MALRD1: variants seen among roughly 807,000 people sequenced by gnomAD.
MALRD1 encodes the protein MAM and LDL-receptor class A domain-containing protein 1.
A neutral mutation model predicts 242.1 loss-of-function variants in MALRD1; 247 were observed. That is an observed-to-expected ratio of 1.02 (90% CI 0.92 to 1.13). The LOEUF is 1.13. MALRD1 is among the 50% of genes most tolerant of loss of function. The pLI is 0.00. For synonymous variants in MALRD1, 995 were observed against 866.6 expected (o/e 1.15, Z -2.60); for missense variants, 2,989 against 2,533.1 (o/e 1.18, Z -3.86).
intron 19 of MALRD1, among the ~76,000 whole-genome samples, chr10:19,259,874 G>T (rs1839671014): frequency 6.6e-6 from 1 of 151,892 alleles, no homozygotes; most frequent in Admixed American, 6.6e-5. Flanking sequence ...TCTATTCCTG[G>T]TGTTATTTTT....
chr10:19,655,308 T>C (rs1202066191), intron 36 of MALRD1, among the ~76,000 whole-genome samples: 1 of 151,926 alleles, frequency 6.6e-6, no homozygotes, highest in Non-Finnish European at 1.5e-5. Flanking sequence ...TAGAAGTTTG[T>C]CCTTAGTATG....
rs906697293 is a variant in MALRD1, at chr10:19,590,466, G to T, written c.5681-4728G>T. On this transcript the variant is annotated intron_variant, in intron 33 of 39. Transcript: ENST00000454679. ...ATCTATAGATCTGTCCTATGCCTTT[G>T]CAGGGATGTTCCTGAGAGAATTTCT... Among the ~76,000 whole-genome samples the T allele has an allele frequency of 1.0e-4, 15 of 150,642 alleles. No homozygotes were observed. In the East Asian group the frequency reaches 2.7e-3, roughly 27 times the overall value.
chr10:19,233,462 A>G (rs189080119), intron 18 of MALRD1, among the ~76,000 whole-genome samples: 1 of 152,302 alleles, frequency 6.6e-6, no homozygotes, highest in Admixed American at 6.5e-5. Context: ...AGATCATGCC[A>G]TTGTACTCCA....
upstream of MALRD1, chr10:19,048,712 A>G: frequency 2.9e-6 from 1 of 347,494 alleles, no homozygotes; most frequent in Admixed American, 4.7e-5. Flanking sequence ...AGTTAGCTAG[A>G]TAAAGAACCA....
intron 19 of MALRD1, among the ~76,000 whole-genome samples, chr10:19,271,262 T>G (rs959887693): frequency 3.3e-5 from 5 of 152,210 alleles, no homozygotes; most frequent in African/African-American, 4.8e-5. Flanking sequence ...TCAGAATTAC[T>G]GAATTACAAT....
chr10:19,405,662 C>T (rs1244406776), intron 28 of MALRD1, among the ~76,000 whole-genome samples: 1 of 152,158 alleles, frequency 6.6e-6, no homozygotes, highest in African/African-American at 2.4e-5. Flanking sequence ...TATGGCTGTA[C>T]TCAGAGTACA....
At chr10:19,435,875 A>T (rs909226039) in intron 28 of MALRD1, among the ~76,000 whole-genome samples, 2 of 152,146 alleles carry the variant, frequency 1.3e-5, no homozygotes, top group Admixed American at 6.6e-5. Flanking sequence ...ATTCTTTAGC[A>T]TGGGATATTT....
chr10:19,461,679 A>AT (rs1835952552), intron 29 of MALRD1, among the ~76,000 whole-genome samples: 1 of 48,424 alleles, frequency 2.1e-5, no homozygotes, highest in African/African-American at 5.9e-5. Flanking sequence ...CCCCATCTCT[A>AT]CAAAAAATTT....
chr10:19,592,753 ACACACACACG>A (rs1162129687), intron 33 of MALRD1, among the ~76,000 whole-genome samples: 1 of 116,318 alleles, frequency 8.6e-6, no homozygotes, highest in African/African-American at 3.2e-5. Flanking sequence ...ACACACACAC[ACACACACACG>A]CACGCACACA....
At chr10:19,380,786 T>A (rs1279285324) in intron 26 of MALRD1, among the ~76,000 whole-genome samples, 3 of 152,222 alleles carry the variant, frequency 2.0e-5, no homozygotes, top group Admixed American at 6.5e-5. Flanking sequence ...ATTATTGTTG[T>A]CATCGTTTTT....
chr10:19,518,138 C>G (rs1164486445), intron 31 of MALRD1, among the ~76,000 whole-genome samples: 1 of 152,192 alleles, frequency 6.6e-6, no homozygotes, highest in African/African-American at 2.4e-5. Context: ...GGCTGAAACA[C>G]AGCTGCTTAT....
At chr10:19,581,517 A>G (rs1375822175) in intron 33 of MALRD1, among the ~76,000 whole-genome samples, 40 of 151,166 alleles carry the variant, frequency 2.6e-4, no homozygotes, top group African/African-American at 6.8e-4. Context: ...ATGATTTCCA[A>G]TTTCATCCAT....
At chr10:19,694,980 C>T (rs1464602537) in intron 38 of MALRD1, among the ~76,000 whole-genome samples, 1 of 152,102 alleles carries the variant, frequency 6.6e-6, no homozygotes, top group Non-Finnish European at 1.5e-5. Context: ...GGACAAAAAA[C>T]CAAACACCAC....
intron 26 of MALRD1, among the ~76,000 whole-genome samples, chr10:19,368,973 G>A (rs1168038145): frequency 6.8e-6 from 1 of 147,142 alleles, no homozygotes; most frequent in Non-Finnish European, 1.5e-5. Context: ...TATATATAAT[G>A]ATACTTGCAT....
chr10:19,361,607 A>G (rs771429298), intron 26 of MALRD1, among the ~76,000 whole-genome samples: 1 of 152,132 alleles, frequency 6.6e-6, no homozygotes. Flanking sequence ...GCTTATCCCT[A>G]GTTAAACTCA....
At chr10:19,628,146 A>G (rs917343051) in intron 36 of MALRD1, among the ~76,000 whole-genome samples, 3 of 152,190 alleles carry the variant, frequency 2.0e-5, no homozygotes, top group African/African-American at 7.2e-5. Flanking sequence ...TCCATTATTT[A>G]TGAGACTATA....
chr10:19,339,835 T>G (rs1157638999), intron 24 of MALRD1, among the ~76,000 whole-genome samples: 3 of 152,154 alleles, frequency 2.0e-5, no homozygotes, highest in Non-Finnish European at 4.4e-5. Context: ...TGAGACTGGG[T>G]AATTTAAAAA....
Position 19,491,604 on chromosome 10 carries a change from A to AT in MALRD1, c.5118dup (p.Lys1707Ter). The AT allele has an allele frequency of 6.5e-7, 1 of 1,550,220 alleles. No homozygotes were observed. The highest frequency in any genetic ancestry group is 8.7e-7 in the Non-Finnish European group (1 of 1,146,860). On this transcript the variant is annotated frameshift_variant, in exon 30 of 40. Coordinates refer to ENST00000454679, the MANE Select transcript of MALRD1 (RefSeq NM_001142308.3). LOFTEE classifies it high-confidence loss of function. ...ATTGCATCCCACCTTCTTTGTGACT[A>AT]TAAGCCAGACTGCTCTGATAGGTCT...
intron 31 of MALRD1, among the ~76,000 whole-genome samples, chr10:19,518,579 T>G: frequency 6.6e-6 from 1 of 152,190 alleles, no homozygotes; most frequent in East Asian, 1.9e-4. Flanking sequence ...CCTTCATAAT[T>G]CACTCTACAA....
Sources: allele counts gnomAD v4.1 joint callset (sites outside exome capture counted in the v4.1 genomes callset), GRCh38; gene constraint gnomAD v4.1.1; transcripts MANE v1.5; gene names NCBI Gene and HGNC (gene_info 2026-07-23, HGNC 2026-07-21).